The following WWOX variants were observed in gnomAD, a reference collection of about 807,000 sequenced individuals.
The protein encoded by WWOX is WW domain-containing oxidoreductase.
WWOX carries 69 observed loss-of-function variants against 46.2 expected under a neutral mutation model. That is an observed-to-expected ratio of 1.49 (90% CI 1.23 to 1.82). The LOEUF (loss-of-function observed/expected upper bound fraction) is 1.82. Among genes scored for constraint, WWOX ranks in the 40% most tolerant of loss-of-function variants. The pLI, the probability that WWOX is intolerant of heterozygous loss-of-function variation, is 0.00. For missense variants in WWOX, 919 were observed against 542.6 expected (o/e 1.69, Z -6.89); for synonymous variants, 359 against 202.6 (o/e 1.77, Z -6.56).
intron 8 of WWOX, among the ~76,000 whole-genome samples, chr16:78,629,723 C>G (rs2046385065): frequency 6.6e-6 from 1 of 152,172 alleles, no homozygotes; most frequent in Non-Finnish European, 1.5e-5. Context: ...TCAACTCTTT[C>G]TCATCATTTA....
intron 6 of WWOX, among the ~76,000 whole-genome samples, chr16:78,416,383 C>G (rs1485133894): frequency 6.6e-6 from 1 of 152,168 alleles, no homozygotes; most frequent in Non-Finnish European, 1.5e-5. Context: ...AAAACAAAGT[C>G]AAGCACTTTA....
chr16:78,724,577 G>A (rs1015268746), intron 8 of WWOX, among the ~76,000 whole-genome samples: 8 of 152,130 alleles, frequency 5.3e-5, no homozygotes, highest in African/African-American at 1.4e-4. Flanking sequence ...AGGGGAATTT[G>A]GGGACATTGA....
chr16:78,641,101 A>C (rs187315895), intron 8 of WWOX, among the ~76,000 whole-genome samples: 35 of 152,276 alleles, frequency 2.3e-4, no homozygotes, highest in Non-Finnish European at 3.2e-4. Flanking sequence ...GGTTTGGGAG[A>C]GAAGCAGGCT....
chr16:79,143,801 G>C (rs2050134653), intron 8 of WWOX, among the ~76,000 whole-genome samples: 1 of 152,262 alleles, frequency 6.6e-6, no homozygotes, highest in South Asian at 2.1e-4. Context: ...AGAACACACA[G>C]CTGGTAGGAG....
intron 8 of WWOX, among the ~76,000 whole-genome samples, chr16:78,876,451 T>C (rs929032781): frequency 6.7e-6 from 1 of 149,806 alleles, no homozygotes; most frequent in Non-Finnish European, 1.5e-5. Flanking sequence ...AACAAATAGA[T>C]TGTGAATGCT....
chr16:78,571,369 A>G (rs548997879), intron 8 of WWOX, among the ~76,000 whole-genome samples: 17 of 151,574 alleles, frequency 1.1e-4, no homozygotes, highest in African/African-American at 3.1e-4. Flanking sequence ...TTAAATGTGT[A>G]TATATATATA....
chr16:78,640,806 G>C (rs892573168), intron 8 of WWOX, among the ~76,000 whole-genome samples: 6 of 152,098 alleles, frequency 3.9e-5, no homozygotes, highest in African/African-American at 1.4e-4. Context: ...GGGCGTGGCA[G>C]TGTGTGCCTG....
rs918026920 is a variant in WWOX, at chr16:79,057,941, C to G, written c.1057-153667C>G. ...CAGATACACCATCATTATCAGTGGC[C>G]AAATCATTCAAATCGCTGTTTGCTT... is the stretch of plus-strand genomic sequence containing the variant. On this transcript the variant is annotated intron_variant, in intron 8 of 8. Coordinates refer to ENST00000566780, the MANE Select transcript of WWOX (RefSeq NM_016373.4). Among the ~76,000 whole-genome samples the G allele has an allele frequency of 6.6e-5, 10 of 152,108 alleles. No individual in the cohort carries two copies. The East Asian group carries it at 1.2e-3, about 18-fold the overall frequency.
At chr16:78,543,262 G>A (rs2043941824) in intron 8 of WWOX, among the ~76,000 whole-genome samples, 1 of 152,200 alleles carries the variant, frequency 6.6e-6, no homozygotes, top group Non-Finnish European at 1.5e-5. Flanking sequence ...AGTGTCACGA[G>A]TCGTTTCCTC....
chr16:78,275,218 C>A (rs1465926280), intron 5 of WWOX, among the ~76,000 whole-genome samples: 3 of 152,180 alleles, frequency 2.0e-5, no homozygotes, highest in African/African-American at 7.2e-5. Flanking sequence ...CCCACCCCCA[C>A]ATCCTCTTTT....
intron 8 of WWOX, among the ~76,000 whole-genome samples, chr16:78,747,129 A>T (rs1203757612): frequency 6.6e-6 from 1 of 151,688 alleles, no homozygotes; most frequent in Non-Finnish European, 1.5e-5. Flanking sequence ...ATCTGCTTCA[A>T]GGCTTTTGTA....
At chr16:78,265,604 G>A (rs900401488) in intron 5 of WWOX, among the ~76,000 whole-genome samples, 1 of 151,780 alleles carries the variant, frequency 6.6e-6, no homozygotes, top group Non-Finnish European at 1.5e-5. Context: ...CTTGAGTCTG[G>A]GAGGCGGAGG....
At chr16:78,962,539 T>C (rs1313344448) in intron 8 of WWOX, among the ~76,000 whole-genome samples, 3 of 152,080 alleles carry the variant, frequency 2.0e-5, no homozygotes, top group Non-Finnish European at 4.4e-5. Context: ...CAGACAATTC[T>C]CTGAAATGGT....
At chr16:78,894,020 T>TTATTATTATTATTATTA (rs1555561422) in intron 8 of WWOX, among the ~76,000 whole-genome samples, 2 of 140,080 alleles carry the variant, frequency 1.4e-5, no homozygotes, top group African/African-American at 2.6e-5. Flanking sequence ...TATTGAGGCT[T>TTATTATTATTATTATTA]TTATTATTAT....
At chr16:78,784,872 T>C (rs1205514957) in intron 8 of WWOX, among the ~76,000 whole-genome samples, 3 of 152,154 alleles carry the variant, frequency 2.0e-5, no homozygotes, top group African/African-American at 7.2e-5. Context: ...CTCCTTGGTG[T>C]CCAGCGAATG....
chr16:78,890,816 G>C (rs1213922035), intron 8 of WWOX: 1 of 152,132 alleles, frequency 6.6e-6, no homozygotes, highest in South Asian at 2.1e-4. Context: ...CATGGGTTTC[G>C]AGCATGTTTT....
At chr16:78,830,513 C>A (rs1164989835) in intron 8 of WWOX, among the ~76,000 whole-genome samples, 2 of 151,946 alleles carry the variant, frequency 1.3e-5, no homozygotes, top group Non-Finnish European at 2.9e-5. Flanking sequence ...AAACAAATTA[C>A]CCATTACCAG....
In WWOX at chr16:78,219,116, A is replaced by G. The variant is rs720955; in HGVS notation, c.516+54827A>G. On this transcript the variant is annotated intron_variant, in intron 5 of 8. Coordinates refer to ENST00000566780, the MANE Select transcript of WWOX (RefSeq NM_016373.4). ...GAAACACACCAGATGGAATTTTCCA[A>G]TTCCCTCCTACATGATAGAGACTAG... Among the ~76,000 whole-genome samples, 634 of 152,302 alleles carry G rather than the reference A, an allele frequency of 4.2e-3. 2 individuals are homozygous for G. Among genetic ancestry groups the G allele is most frequent in the Non-Finnish European group, 5.1e-3 (344 of 68,016 alleles).
intron 5 of WWOX, among the ~76,000 whole-genome samples, chr16:78,243,677 G>T (rs1217020231): frequency 6.6e-6 from 1 of 152,138 alleles, no homozygotes; most frequent in Non-Finnish European, 1.5e-5. Context: ...CTCCGGAGTA[G>T]CTGGGACTAC....
Sources: allele counts gnomAD v4.1 joint callset (sites outside exome capture counted in the v4.1 genomes callset), GRCh38; gene constraint gnomAD v4.1.1; transcripts MANE v1.5; gene names NCBI Gene and HGNC (gene_info 2026-07-23, HGNC 2026-07-21).